The following HDAC9 variants were observed in gnomAD, a reference collection of about 807,000 sequenced individuals.
HDAC9 encodes histone deacetylase 9, also known as MEF-2 interacting transcription repressor (MITR) protein.
HDAC9 carries 41 observed loss-of-function variants against 139.4 expected under a neutral mutation model. The observed-to-expected ratio is 0.29, with a 90% confidence interval of 0.23 to 0.38. HDAC9 has a LOEUF of 0.38. HDAC9 is among the 10% of genes least tolerant of loss of function. HDAC9 has a pLI of 1.00. For synonymous variants in HDAC9, 517 were observed against 476.2 expected (o/e 1.09, Z -1.12); for missense variants, 1,147 against 1,297.0 (o/e 0.88, Z 1.78).
In HDAC9 at chr7:18,422,731, G is replaced by GAC. The variant is rs935093406; in HGVS notation, c.-41-73522_-41-73521dup. On this transcript the variant is annotated intron_variant, in intron 1 of 3. Coordinates refer to the HDAC9 transcript ENST00000413509. Reference sequence around the variant, plus strand: ...CAGGCCAACCTGTCATTAGCTTTAAGACACACACACGCGCACACACACACA... The same window carrying GAC: ...CAGGCCAACCTGTCATTAGCTTTAAGACACACACACACGCGCACACACACACA... Among the ~76,000 whole-genome samples the GAC allele has an allele frequency of 9.0e-5, 9 of 99,648 alleles. No homozygotes were observed. The East Asian group carries it at 2.3e-3, about 25-fold the overall frequency. 65.4% of individuals were successfully genotyped at this position (99,648 alleles called of 152,430 possible). A position where few individuals can be genotyped will look rare whatever the true frequency, so the allele number is the denominator to read the frequency against.
At chr7:18,603,565 C>T (rs982226728) in intron 6 of HDAC9, among the ~76,000 whole-genome samples, 1 of 151,990 alleles carries the variant, frequency 6.6e-6, no homozygotes, top group African/African-American at 2.4e-5. Context: ...CATACAGGTA[C>T]CTTATAAAAG....
In HDAC9 at chr7:18,423,797, G is replaced by A. The variant is rs560365206; in HGVS notation, c.-41-72465G>A. Among the ~76,000 whole-genome samples, 10 of 152,344 alleles carry A rather than the reference G, an allele frequency of 6.6e-5. No homozygotes were observed. In the South Asian group the frequency reaches 2.1e-3, roughly 32 times the overall value. On this transcript the variant is annotated intron_variant, in intron 1 of 3. Coordinates refer to the HDAC9 transcript ENST00000413509. Reference sequence around the variant, plus strand: ...TAGATCTGTTTAAAGGCTTGGCTCAGAGTGGGCACAGTACCACTTATATTG... The same window carrying A: ...TAGATCTGTTTAAAGGCTTGGCTCAAAGTGGGCACAGTACCACTTATATTG...
At chr7:18,144,927 A>G (rs115550452) in intron 1 of HDAC9, among the ~76,000 whole-genome samples, 84 of 152,280 alleles carry the variant, frequency 5.5e-4, no homozygotes, top group African/African-American at 1.8e-3. Flanking sequence ...CTGTATGTTT[A>G]TTGTAAAAAT....
At chr7:18,162,207 C>A in intron 1 of HDAC9, 1 of 847,640 alleles carries the variant, frequency 1.2e-6, no homozygotes, top group Non-Finnish European at 1.9e-6. Flanking sequence ...ATCTTAAACA[C>A]TGCATTTTTC....
intron 17 of HDAC9, among the ~76,000 whole-genome samples, chr7:18,817,662 C>T (rs79855576): frequency 0.025 from 3,834 of 152,154 alleles, 165 homozygotes; most frequent in African/African-American, 0.088. Context: ...TGCTTTTGTT[C>T]TGTCATCAGG....
At chr7:18,800,232 C>G (rs573372524) in intron 17 of HDAC9, among the ~76,000 whole-genome samples, 68 of 152,320 alleles carry the variant, frequency 4.5e-4, no homozygotes, top group African/African-American at 1.6e-3. Context: ...ATTCACCTAT[C>G]TCTGAATCAG....
intron 13 of HDAC9, among the ~76,000 whole-genome samples, chr7:18,744,048 C>T (rs1232806990): frequency 1.6e-5 from 2 of 124,554 alleles, no homozygotes; most frequent in South Asian, 2.8e-4. Flanking sequence ...TGGAGTTTCG[C>T]TCTTGTTACC....
intron 1 of HDAC9, among the ~76,000 whole-genome samples, chr7:18,418,537 G>C (rs2128750441): frequency 6.6e-6 from 1 of 151,566 alleles, no homozygotes; most frequent in East Asian, 1.9e-4. Flanking sequence ...GTTTTCCAAA[G>C]TCACATGAAA....
At chr7:18,867,945 TTTTATC>T (rs1229537013) in intron 21 of HDAC9, among the ~76,000 whole-genome samples, 2 of 152,218 alleles carry the variant, frequency 1.3e-5, no homozygotes, top group African/African-American at 2.4e-5. Context: ...CAATTTTAGT[TTTTATC>T]TTTAAGTACT....
At chr7:18,795,129 T>G (rs922726341) in intron 17 of HDAC9, among the ~76,000 whole-genome samples, 4 of 152,028 alleles carry the variant, frequency 2.6e-5, no homozygotes, top group African/African-American at 9.7e-5. Flanking sequence ...CAACACATAG[T>G]ATGGGCATGC....
intron 1 of HDAC9, among the ~76,000 whole-genome samples, chr7:18,346,899 C>G (rs1348570597): frequency 6.6e-6 from 1 of 152,122 alleles, no homozygotes; most frequent in Admixed American, 6.6e-5. Flanking sequence ...AGCCAATCCA[C>G]CACTTTGTTT....
intron 2 of HDAC9, among the ~76,000 whole-genome samples, chr7:18,202,731 A>G (rs1402069001): frequency 6.6e-6 from 1 of 152,136 alleles, no homozygotes; most frequent in Non-Finnish European, 1.5e-5. Context: ...AATCACCATA[A>G]TGTTTTTGCT....
At chr7:18,164,372 ATTGT>A in intron 2 of HDAC9, among the ~76,000 whole-genome samples, 1 of 152,268 alleles carries the variant, frequency 6.6e-6, no homozygotes, top group Middle Eastern at 3.4e-3. Context: ...AAATAACCTG[ATTGT>A]TTGATTTAGA....
chr7:18,975,851 G>C lies in HDAC9; in HGVS notation c.3068G>C (p.Cys1023Ser), dbSNP rs542095233. 70 of 1,613,904 alleles carry C rather than the reference G, an allele frequency of 4.3e-5. 1 individual carries two copies. The South Asian group carries it at 5.8e-4, about 13-fold the overall frequency. ...SVRMVAVPRGCALAGAQLQEE... is the reference protein window; with the variant it reads ...SVRMVAVPRGSALAGAQLQEE... Reference sequence around the variant, plus strand: ...AGGATGGTGGCTGTGCCAAGGGGCTGTGCTCTGGCTGGTGCTCAGTTGCAA... The same window carrying C: ...AGGATGGTGGCTGTGCCAAGGGGCTCTGCTCTGGCTGGTGCTCAGTTGCAA... The change falls in exon 25 of 26, where the codon TGT becomes TCT. Residue 1023 changes from cysteine to serine, a missense_variant. Transcript: ENST00000686413.
At chr7:18,669,288 T>C (rs1464565180) in intron 12 of HDAC9, among the ~76,000 whole-genome samples, 1 of 151,804 alleles carries the variant, frequency 6.6e-6, no homozygotes, top group Non-Finnish European at 1.5e-5. Flanking sequence ...ATTCCAAGTG[T>C]CGTAATAATT....
chr7:18,267,567 A>G (rs1359717097), intron 2 of HDAC9, among the ~76,000 whole-genome samples: 3 of 152,128 alleles, frequency 2.0e-5, no homozygotes, highest in Non-Finnish European at 4.4e-5. Context: ...TGCCTGGCTG[A>G]TTTCACTGAA....
chr7:18,987,607 T>C (rs1785474551), intron 25 of HDAC9, among the ~76,000 whole-genome samples: 1 of 152,198 alleles, frequency 6.6e-6, no homozygotes, highest in African/African-American at 2.4e-5. Context: ...GGATTCCCTC[T>C]TTTTCTATTG....
intron 2 of HDAC9, among the ~76,000 whole-genome samples, chr7:18,537,405 C>T (rs543186150): frequency 2.3e-4 from 35 of 152,234 alleles, no homozygotes; most frequent in Non-Finnish European, 8.8e-5. Flanking sequence ...TTGCATTTTA[C>T]AGTGATTGTG....
rs752828065 is a variant in HDAC9, at chr7:18,629,372, G to A, written c.687G>A (p.Val229=). Residue 229 remains valine (V), a synonymous_variant, in exon 7 of 26, where the codon GTG becomes GTA. Transcript: ENST00000686413. The part of the protein sequence containing the change: ...RKTASEPNLK[V]RSRLKQKVAE... ...CAGCCTCTGAGCCCAACTTGAAGGT[G>A]CGGTCCAGGTTAAAACAGAAAGTGG... 1 of 1,598,970 alleles carries A rather than the reference G, an allele frequency of 6.3e-7. No homozygotes were observed. Among genetic ancestry groups the A allele is most frequent in the Non-Finnish European group, 8.5e-7 (1 of 1,174,052 alleles).
Sources: gnomAD v4.1 joint callset for allele counts (sites outside exome capture counted in the v4.1 genomes callset) on GRCh38, gnomAD v4.1.1 for gene constraint, MANE v1.5 for transcripts, NCBI Gene and HGNC (gene_info 2026-07-23, HGNC 2026-07-21) for gene names.